NFATC3: variants seen among roughly 807,000 people sequenced by gnomAD.
The protein encoded by NFATC3 is nuclear factor of activated T-cells, cytoplasmic 3.
NFATC3 carries 46 observed loss-of-function variants against 98.6 expected under a neutral mutation model. The observed-to-expected ratio is 0.47, with a 90% CI of 0.37 to 0.60. NFATC3 has a LOEUF of 0.60. Among genes scored for constraint, NFATC3 ranks in the 20% least tolerant of loss-of-function variants. The pLI is 0.00. For missense variants in NFATC3, 1,256 were observed against 1,295.5 expected (o/e 0.97, Z 0.47); for synonymous variants, 512 against 472.2 (o/e 1.08, Z -1.09).
chr16:68,207,353 G>A (rs1457017877), intron 9 of NFATC3, among the ~76,000 whole-genome samples: 1 of 152,074 alleles, frequency 6.6e-6, no homozygotes, highest in Admixed American at 6.6e-5. Context: ...CCTCTCGGCT[G>A]TTGGGAATAA....
intron 3 of NFATC3, among the ~76,000 whole-genome samples, chr16:68,144,155 A>G (rs1312334939): frequency 2.6e-5 from 4 of 152,230 alleles, no homozygotes; most frequent in African/African-American, 9.6e-5. Context: ...CAATAAAAAC[A>G]GTTCAGTTAG....
chr16:68,115,650 C>T (rs989977343), intron 1 of NFATC3, among the ~76,000 whole-genome samples: 1 of 152,256 alleles, frequency 6.6e-6, no homozygotes, highest in South Asian at 2.1e-4. Flanking sequence ...GTCTTGGACT[C>T]CTGATCTCAA....
At chr16:68,218,216 C>T (rs939904525) in intron 9 of NFATC3, 4 of 167,920 alleles carry the variant, frequency 2.4e-5, no homozygotes, top group African/African-American at 9.6e-5. Flanking sequence ...GCATGACCCA[C>T]CACACCTGGC....
At chr16:68,123,150 T>C (rs376416631) in intron 2 of NFATC3, 29 bp downstream of exon 2, 376 of 1,567,500 alleles carry the variant, frequency 2.4e-4, no homozygotes, top group Non-Finnish European at 2.9e-4. Flanking sequence ...CTGCTGGTCA[T>C]TTTTCATGTT....
intron 8 of NFATC3, among the ~76,000 whole-genome samples, chr16:68,184,301 G>A (rs1404128641): frequency 1.3e-5 from 2 of 152,202 alleles, no homozygotes; most frequent in African/African-American, 4.8e-5. Flanking sequence ...TTAGAGGGGA[G>A]AAGGAACAGA....
At chr16:68,156,118 C>T (rs746703190) in intron 3 of NFATC3, among the ~76,000 whole-genome samples, 8 of 151,902 alleles carry the variant, frequency 5.3e-5, no homozygotes, top group Non-Finnish European at 8.8e-5. Context: ...TGAGACCAGC[C>T]TGGCCAACAT....
At chr16:68,127,763 G>C (rs117407655) in intron 3 of NFATC3, among the ~76,000 whole-genome samples, 1 of 151,396 alleles carries the variant, frequency 6.6e-6, no homozygotes, top group Non-Finnish European at 1.5e-5. Context: ...ATTGAGAGAT[G>C]AAGTTATTGT....
chr16:68,217,500 A>C (rs564130276), intron 9 of NFATC3, among the ~76,000 whole-genome samples: 3 of 151,414 alleles, frequency 2.0e-5, no homozygotes, highest in Admixed American at 6.6e-5. Flanking sequence ...ATCTGGCATG[A>C]AAGAGCTCAA....
intron 1 of NFATC3, among the ~76,000 whole-genome samples, chr16:68,111,581 A>T (rs1296299577): frequency 6.6e-6 from 1 of 151,858 alleles, no homozygotes; most frequent in Non-Finnish European, 1.5e-5. Context: ...TAGCCAGCTA[A>T]CCATTTTGTG....
chr16:68,223,974 CG>C (rs1028431272), intron 9 of NFATC3, among the ~76,000 whole-genome samples: 1 of 148,258 alleles, frequency 6.7e-6, no homozygotes, highest in Non-Finnish European at 1.5e-5. Flanking sequence ...TGGCCAGGCG[CG>C]GGGGCTCATG....
intron 9 of NFATC3, among the ~76,000 whole-genome samples, chr16:68,203,458 C>T (rs2041011658): frequency 6.6e-6 from 1 of 151,442 alleles, no homozygotes; most frequent in Non-Finnish European, 1.5e-5. Context: ...ATGGTGAAAC[C>T]CTGTCTCTAT....
intron 9 of NFATC3, among the ~76,000 whole-genome samples, chr16:68,211,374 G>T (rs575812636): frequency 2.6e-5 from 4 of 151,856 alleles, no homozygotes; most frequent in Admixed American, 6.6e-5. Context: ...TTTTAGTAGA[G>T]ACGGGGTTTC....
intron 6 of NFATC3, 146 bp downstream of exon 6, chr16:68,174,660 A>G (rs2039606107): frequency 1.6e-6 from 1 of 611,724 alleles, no homozygotes; most frequent in African/African-American, 1.9e-5. Context: ...TAAACCAAAC[A>G]TTTATTAAAT....
At chr16:68,098,294 A>ATTTTTTTTTTTTT (rs1376071084) in intron 1 of NFATC3, among the ~76,000 whole-genome samples, 1 of 104,444 alleles carries the variant, frequency 9.6e-6, no homozygotes, top group African/African-American at 4.4e-5. Flanking sequence ...TATTATTATT[A>ATTTTTTTTTTTTT]TTATTATTTT....
chr16:68,132,782 G>A (rs186278880), intron 3 of NFATC3, among the ~76,000 whole-genome samples: 6 of 152,246 alleles, frequency 3.9e-5, no homozygotes, highest in Non-Finnish European at 8.8e-5. Context: ...GATAAATACT[G>A]CATGTTTTCA....
chr16:68,221,626 G>T, intron 9 of NFATC3: 1 of 1,034,346 alleles, frequency 9.7e-7, no homozygotes, highest in Non-Finnish European at 1.2e-6. Context: ...CCTGACTGCT[G>T]GTGAATTCAT....
At chr16:68,183,569 A>C (rs2040034996) in intron 8 of NFATC3, among the ~76,000 whole-genome samples, 2 of 152,200 alleles carry the variant, frequency 1.3e-5, no homozygotes, top group Admixed American at 1.3e-4. Context: ...ATTATAAGGA[A>C]ATTAGAAGAT....
Position 68,191,338 on chromosome 16 carries a change from G to GAGA in NFATC3, c.2670_2671insGAA (p.Gly890_Gln891insGlu). 7.4e-6 allele frequency: 12 copies of GAGA among 1,614,110 alleles called. No homozygotes were observed. The highest frequency in any genetic ancestry group is 1.0e-5 in the Non-Finnish European group (12 of 1,180,024). On this transcript the variant is annotated inframe_insertion, in exon 9 of 10. Coordinates refer to ENST00000346183, the MANE Select transcript of NFATC3 (RefSeq NM_173165.3). Reference sequence around the variant, plus strand: ...ATGGGATATCATTGTTCAAATACAGGACAAAGATCTCTTTCTTCTCCAGTG... The same window carrying GAGA: ...ATGGGATATCATTGTTCAAATACAGGAGAACAAAGATCTCTTTCTTCTCCAGTG...
chr16:68,224,012 C>T (rs879530484), intron 9 of NFATC3, among the ~76,000 whole-genome samples: 4 of 150,086 alleles, frequency 2.7e-5, no homozygotes, highest in African/African-American at 9.8e-5. Context: ...TTCAGGAGGC[C>T]GAGGTGGGTG....
Sources: gnomAD v4.1 joint callset for allele counts (sites outside exome capture counted in the v4.1 genomes callset) on GRCh38, gnomAD v4.1.1 for gene constraint, MANE v1.5 for transcripts, NCBI Gene and HGNC (gene_info 2026-07-23, HGNC 2026-07-21) for gene names.